KIF4A: variants seen among roughly 807,000 people sequenced by gnomAD.
KIF4A encodes chromosome-associated kinesin KIF4A.
Under a neutral mutation model 105.9 loss-of-function variants are expected in KIF4A, and 7 were observed. The observed-to-expected ratio is 0.07, with a 90% CI of 0.04 to 0.12. The LOEUF is 0.12. KIF4A is among the 10% of genes least tolerant of loss of function. KIF4A has a pLI of 1.00. For synonymous variants in KIF4A, 281 were observed against 331.3 expected (o/e 0.85, Z 1.65); for missense variants, 558 against 929.2 (o/e 0.60, Z 5.19).
chrX:70,404,909 G>A, intron 25 of KIF4A, 87 bp downstream of exon 25: 1 of 582,516 alleles, frequency 1.7e-6, no homozygotes, highest in Non-Finnish European at 2.7e-6. Flanking sequence ...TTGCAGCAGA[G>A]AGTAATTAAC....
chrX:70,338,770 G>A (rs2085960590), intron 10 of KIF4A, among the ~76,000 whole-genome samples: 1 of 111,567 alleles, frequency 9.0e-6, no homozygotes, highest in Admixed American at 9.6e-5. Flanking sequence ...TAGTTAGAAA[G>A]CCTTTCTCCA....
At chrX:70,308,902 G>A (rs764139547) in intron 7 of KIF4A, among the ~76,000 whole-genome samples, 9 of 112,452 alleles carry the variant, frequency 8.0e-5, no homozygotes, top group African/African-American at 9.7e-5. Flanking sequence ...GAGCCACCAC[G>A]CCAGGCCTGA....
intron 7 of KIF4A, among the ~76,000 whole-genome samples, chrX:70,307,819 C>T (rs1429871348): frequency 8.9e-6 from 1 of 112,206 alleles, no homozygotes; most frequent in Non-Finnish European, 1.9e-5. Flanking sequence ...TGGACTGATT[C>T]TGTAAACTGG....
Position 70,395,667 on chromosome X carries a change from C to T in KIF4A, c.2233-4C>T. 2 of 1,211,031 alleles carry T rather than the reference C, an allele frequency of 1.7e-6. No homozygotes were observed. Among genetic ancestry groups the T allele is most frequent in the Non-Finnish European group, 2.2e-6 (2 of 895,229 alleles). On this transcript the variant is annotated splice_region_variant and splice_polypyrimidine_tract_variant and intron_variant, in intron 20 of 30. Transcript: ENST00000374403. ...AACACAGACATCACTGATTTCTCTT[C>T]CAGAATTGGCTTGGAAACGAAATTG...
intron 15 of KIF4A, among the ~76,000 whole-genome samples, chrX:70,359,748 C>T (rs1475249652): frequency 9.0e-6 from 1 of 111,148 alleles, no homozygotes; most frequent in African/African-American, 3.3e-5. Flanking sequence ...GCAAGTCTCT[C>T]CCGACATCAT....
chrX:70,373,132 G>A lies in KIF4A; in HGVS notation c.1675-1019G>A, dbSNP rs1257824118. Among the ~76,000 whole-genome samples, 6 of 109,862 alleles carry A rather than the reference G, an allele frequency of 5.5e-5. No homozygotes were observed. In the Admixed American group the frequency reaches 5.9e-4, roughly 11 times the overall value. ...ACAAAAAAATACAAAAATTAGCCAAGTTGGTGGCAGACTCCTGTAGTCCTT... is the reference window on the plus strand; with the variant it reads ...ACAAAAAAATACAAAAATTAGCCAAATTGGTGGCAGACTCCTGTAGTCCTT... On this transcript the variant is annotated intron_variant, in intron 15 of 30. Transcript: ENST00000374403.
chrX:70,385,245 C>T (rs1395227186), intron 18 of KIF4A, among the ~76,000 whole-genome samples: 2 of 111,984 alleles, frequency 1.8e-5, no homozygotes, highest in Non-Finnish European at 3.8e-5. Context: ...ACTGTAAAAA[C>T]ACCACTGAAT....
At chrX:70,332,404 C>T (rs780816543) in intron 9 of KIF4A, among the ~76,000 whole-genome samples, 35 of 111,633 alleles carry the variant, frequency 3.1e-4, no homozygotes, top group African/African-American at 1.1e-3. Flanking sequence ...AAAATGCTCA[C>T]TGGATTTGGT....
Position 70,403,809 on chromosome X carries a change from G to T in KIF4A, c.2620-55G>T. 6 of 1,057,797 alleles carry T rather than the reference G, an allele frequency of 5.7e-6. No homozygotes were observed. In the South Asian group the frequency reaches 6.6e-5, roughly 12 times the overall value. The allele number at this position is 1,057,797 out of a possible 1,213,427, so 87.2% of individuals were successfully genotyped here. ...TGACATTATCCTGCCTGTTGAAAGG[G>T]GGAAAGAAAGGTGGTCATTCTTCAA... On this transcript the variant is annotated intron_variant, in intron 23 of 30. Coordinates refer to ENST00000374403, the MANE Select transcript of KIF4A (RefSeq NM_012310.5).
chrX:70,349,141 T>C (rs1373854193), intron 13 of KIF4A, among the ~76,000 whole-genome samples: 7 of 45,400 alleles, frequency 1.5e-4, no homozygotes, highest in African/African-American at 2.7e-4. Flanking sequence ...CAGAGGCACT[T>C]CTCACATCCC....
intron 28 of KIF4A, among the ~76,000 whole-genome samples, chrX:70,408,640 A>G (rs1010676565): frequency 1.8e-5 from 2 of 112,046 alleles, no homozygotes; most frequent in Non-Finnish European, 3.8e-5. Flanking sequence ...CACCACCAGG[A>G]TGAAGCAAGT....
Position 70,343,863 on chromosome X carries a change from G to C in KIF4A, c.1326-14G>C, listed in dbSNP as rs374515433. ...TATGAATAACCCTTGGGTTCTTTTT[G>C]TTTGAATTTTCAGCTGCAAACTGGA... On this transcript the variant is annotated splice_polypyrimidine_tract_variant and intron_variant, in intron 12 of 30. Transcript: ENST00000374403. 23 of 1,202,945 alleles carry C rather than the reference G, an allele frequency of 1.9e-5. No homozygotes were observed. In the African/African-American group the frequency reaches 3.8e-4, roughly 20 times the overall value.
At chrX:70,419,940 T>C (rs2086360015) in intron 30 of KIF4A, 122 bp from the exon 31 acceptor site, 10 of 996,164 alleles carry the variant, frequency 1.0e-5, no homozygotes, top group Non-Finnish European at 1.1e-5. Context: ...GTTTTTTCCA[T>C]AGAATGATCT....
chrX:70,311,863 A>G (rs951568926), intron 7 of KIF4A, among the ~76,000 whole-genome samples: 4 of 108,155 alleles, frequency 3.7e-5, no homozygotes, highest in Non-Finnish European at 7.7e-5. Flanking sequence ...CTGAGGCAGG[A>G]GGATGGCTGG....
At chrX:70,311,387 A>G (rs2085849267) in intron 7 of KIF4A, among the ~76,000 whole-genome samples, 1 of 110,403 alleles carries the variant, frequency 9.1e-6, no homozygotes, top group African/African-American at 3.3e-5. Context: ...ATTTTGTTTT[A>G]TGTTCTTTTT....
rs1392359689 is a variant in KIF4A, at chrX:70,373,518, GTGTATGTATATATATATATA to G, written c.1675-631_1675-612del. ...GGGCAACATATATATATACATGTGT[GTGTATGTATATATATATATA>G]TATATATATATATATATACGTATAT... On this transcript the variant is annotated intron_variant, in intron 15 of 30. Coordinates refer to ENST00000374403, the MANE Select transcript of KIF4A (RefSeq NM_012310.5). Among the ~76,000 whole-genome samples, 11 of 6,955 alleles carry G rather than the reference GTGTATGTATATATATATATA, an allele frequency of 1.6e-3. 3 individuals are homozygous for G. Among genetic ancestry groups the G allele is most frequent in the African/African-American group, 5.6e-3 (10 of 1,796 alleles). The allele number at this position is 6,955 out of a possible 115,157, so 6.0% of individuals were successfully genotyped here.
intron 7 of KIF4A, among the ~76,000 whole-genome samples, chrX:70,323,656 A>ATG (rs1352086375): frequency 5.4e-5 from 6 of 110,846 alleles, no homozygotes; most frequent in Admixed American, 9.6e-5. Flanking sequence ...CTATAGTAAA[A>ATG]TTAACATTTT....
chrX:70,350,350 C>T (rs938966501), intron 13 of KIF4A, among the ~76,000 whole-genome samples: 8 of 111,727 alleles, frequency 7.2e-5, no homozygotes, highest in African/African-American at 2.6e-4. Flanking sequence ...TCAGGCTTGG[C>T]GGCGGGTGCC....
At chrX:70,332,498 C>T (rs1602752360) in intron 9 of KIF4A, among the ~76,000 whole-genome samples, 1 of 110,908 alleles carries the variant, frequency 9.0e-6, no homozygotes, top group Non-Finnish European at 1.9e-5. Flanking sequence ...GAGGAGCAAC[C>T]GAGTGGCGAG....
Sources: gnomAD v4.1 joint callset for allele counts (sites outside exome capture counted in the v4.1 genomes callset) on GRCh38, gnomAD v4.1.1 for gene constraint, MANE v1.5 for transcripts, NCBI Gene and HGNC (gene_info 2026-07-23, HGNC 2026-07-21) for gene names.